Variants in DNM3 observed in about 807,000 individuals in gnomAD.
DNM3 encodes the protein dynamin-3.
A neutral mutation model predicts 101.6 loss-of-function variants in DNM3; 47 were observed. The ratio of observed to expected loss-of-function variants is 0.46; its 90% CI spans 0.37 to 0.59. DNM3 has a LOEUF of 0.59. DNM3 is among the 20% of genes least tolerant of loss of function. The probability of loss-of-function intolerance (pLI) is 0.00; values close to 1 mark genes in which losing one functional copy is unlikely to be tolerated. For synonymous variants in DNM3, 385 were observed against 387.9 expected, an observed-to-expected ratio of 0.99 and a Z score of 0.09; for missense variants, 849 against 1,085.7, an observed-to-expected ratio of 0.78 and a Z score of 3.06.
chr1:171,907,916 C>T (rs146000619), intron 1 of DNM3, among the ~76,000 whole-genome samples: 6 of 152,256 alleles, frequency 3.9e-5, no homozygotes, highest in African/African-American at 1.4e-4. Context: ...ATATCTAAAA[C>T]ACCAAAAACA....
At chr1:172,137,612 T>C (rs1346996780) in intron 14 of DNM3, 1 of 152,174 alleles carries the variant, frequency 6.6e-6, no homozygotes, top group Non-Finnish European at 1.5e-5. Flanking sequence ...TAGTTTGCTT[T>C]AGTTAAGAAT....
chr1:171,920,906 T>G (rs2040104923), intron 1 of DNM3, among the ~76,000 whole-genome samples: 2 of 152,196 alleles, frequency 1.3e-5, no homozygotes, highest in South Asian at 4.1e-4. Context: ...AAATACTTAT[T>G]TCTACTTGAT....
chr1:172,082,314 T>A (rs1025220567), intron 12 of DNM3, among the ~76,000 whole-genome samples: 2 of 151,120 alleles, frequency 1.3e-5, no homozygotes, highest in Admixed American at 6.6e-5. Context: ...TAAGTCAGAA[T>A]CTAGAGGCCT....
intron 4 of DNM3, among the ~76,000 whole-genome samples, chr1:172,022,947 G>A (rs1057165884): frequency 2.0e-5 from 3 of 152,046 alleles, no homozygotes; most frequent in Admixed American, 6.6e-5. Flanking sequence ...TCATAGCTGA[G>A]CTATGTGGTA....
rs751951432 is a variant in DNM3, at chr1:172,409,986, A to G, written c.*2145A>G. On this transcript the variant is annotated 3_prime_UTR_variant, in exon 21 of 21. Transcript: ENST00000627582. ...TTTCCTTCCACTGATCTTAGGCAGT[A>G]ATAAACAATGGCATTTGTCATCTTT... 149 of 985,664 alleles carry G rather than the reference A, an allele frequency of 1.5e-4. No individual in the cohort carries two copies. The highest frequency in any genetic ancestry group is 1.7e-4 in the Non-Finnish European group (141 of 829,890). 61.1% of individuals were successfully genotyped at this position (985,664 alleles called of 1,614,324 possible).
At chr1:172,292,489 A>G (rs960651833) in intron 15 of DNM3, among the ~76,000 whole-genome samples, 1 of 152,154 alleles carries the variant, frequency 6.6e-6, no homozygotes, top group African/African-American at 2.4e-5. Context: ...TCCTTTTAAA[A>G]TAGAACAAAT....
chr1:172,129,359 C>T (rs758790701), intron 13 of DNM3, among the ~76,000 whole-genome samples: 1 of 152,162 alleles, frequency 6.6e-6, no homozygotes, highest in Non-Finnish European at 1.5e-5. Flanking sequence ...TATACATTCT[C>T]ATTCATTTGG....
chr1:171,931,800 A>G (rs1259540647), intron 2 of DNM3, among the ~76,000 whole-genome samples: 1 of 152,084 alleles, frequency 6.6e-6, no homozygotes, highest in Non-Finnish European at 1.5e-5. Context: ...GTCCTCTCCC[A>G]TTACTTTTTT....
intron 10 of DNM3, among the ~76,000 whole-genome samples, chr1:172,056,274 C>A (rs1164373825): frequency 6.6e-6 from 1 of 152,178 alleles, no homozygotes; most frequent in Non-Finnish European, 1.5e-5. Flanking sequence ...GGAGGGGCAC[C>A]CGACATTGCC....
intron 15 of DNM3, 59 bp downstream of exon 15, chr1:172,253,741 C>A: frequency 8.8e-7 from 1 of 1,138,782 alleles, no homozygotes; most frequent in East Asian, 2.7e-5. Flanking sequence ...CTACATGATT[C>A]AGAGATCATA....
At chr1:172,197,876 C>T (rs1421278158) in intron 14 of DNM3, among the ~76,000 whole-genome samples, 1 of 151,998 alleles carries the variant, frequency 6.6e-6, no homozygotes, top group African/African-American at 2.4e-5. Context: ...TTGATTTCCC[C>T]TCGTTGTATT....
chr1:172,114,493 T>G (rs2055746383), intron 13 of DNM3, among the ~76,000 whole-genome samples: 1 of 152,238 alleles, frequency 6.6e-6, no homozygotes, highest in African/African-American at 2.4e-5. Flanking sequence ...TATATACTTA[T>G]GTACCTGCCC....
chr1:172,406,985 T>C lies in DNM3; in HGVS notation c.2523-787T>C, dbSNP rs147648069. On this transcript the variant is annotated intron_variant, in intron 20 of 20. Transcript: ENST00000627582. The stretch of plus-strand genomic sequence containing the variant: ...ACACTAAAAAAACTTATTAATATAT[T>C]TAGGAAATAAATGTAGAAGCTTGAG... 4.9e-3 allele frequency among the ~76,000 whole-genome samples: 745 copies of C among 151,996 alleles called. 8 individuals carry two copies. The highest frequency in any genetic ancestry group is 0.017 in the African/African-American group (716 of 41,490).
At chr1:172,135,182 T>C (rs1036501367) in intron 14 of DNM3, among the ~76,000 whole-genome samples, 2 of 152,140 alleles carry the variant, frequency 1.3e-5, no homozygotes, top group Admixed American at 1.3e-4. Context: ...AAAATTGACA[T>C]GAACAACTCA....
intron 9 of DNM3, among the ~76,000 whole-genome samples, chr1:172,047,089 C>T (rs554075362): frequency 3.3e-5 from 5 of 152,028 alleles, no homozygotes; most frequent in Admixed American, 6.6e-5. Flanking sequence ...TTATTTAGGC[C>T]TTTAAATATA....
chr1:172,408,204 T>C lies in DNM3; in HGVS notation c.*363T>C. On this transcript the variant is annotated 3_prime_UTR_variant, in exon 21 of 21. Transcript: ENST00000627582. Reference sequence around the variant, plus strand: ...TAAACGTAATTCTTCAGATATGAGATAGTGGGCTTAGACCTAAGCCATACA... The same window carrying C: ...TAAACGTAATTCTTCAGATATGAGACAGTGGGCTTAGACCTAAGCCATACA... 1 of 1,056,264 alleles carries C rather than the reference T, an allele frequency of 9.5e-7. No individual in the cohort carries two copies. The highest frequency in any genetic ancestry group is 3.7e-5 in the South Asian group (1 of 27,314). 65.4% of individuals were successfully genotyped at this position (1,056,264 alleles called of 1,614,324 possible).
chr1:172,345,206 G>C (rs2066874230), intron 17 of DNM3, among the ~76,000 whole-genome samples: 1 of 152,188 alleles, frequency 6.6e-6, no homozygotes, highest in Non-Finnish European at 1.5e-5. Flanking sequence ...AGTTAGTTGA[G>C]AGTTTCTGTT....
intron 9 of DNM3, among the ~76,000 whole-genome samples, chr1:172,047,006 G>C (rs974632210): frequency 1.5e-5 from 2 of 129,916 alleles, no homozygotes; most frequent in African/African-American, 6.1e-5. Context: ...GGGGATTGTT[G>C]GTGGTTATTA....
Position 172,092,761 on chromosome 1 carries a change from G to T in DNM3, c.1494-63G>T, listed in dbSNP as rs560700314. Reference sequence around the variant, plus strand: ...AAAGCCTGTATAAATTTTAGTATTTGTTACTTGTTTAGGAAAAAATTATAT... The same window carrying T: ...AAAGCCTGTATAAATTTTAGTATTTTTTACTTGTTTAGGAAAAAATTATAT... On this transcript the variant is annotated intron_variant, in intron 12 of 20. Transcript: ENST00000627582. The T allele has an allele frequency of 2.3e-4, 332 of 1,469,052 alleles. 1 individual carries two copies. In the Middle Eastern group the frequency reaches 5.4e-3, roughly 24 times the overall value. The allele number at this position is 1,469,052 out of a possible 1,614,324, so 91.0% of individuals were successfully genotyped here. A position where few individuals can be genotyped will look rare whatever the true frequency, so the allele number is the denominator to read the frequency against.
Sources: allele counts gnomAD v4.1 joint callset (sites outside exome capture counted in the v4.1 genomes callset), GRCh38; gene constraint gnomAD v4.1.1; transcripts MANE v1.5; gene names NCBI Gene and HGNC (gene_info 2026-07-23, HGNC 2026-07-21).